The following MAPKBP1 variants were observed in gnomAD, a reference collection of about 807,000 sequenced individuals.
MAPKBP1 encodes the protein mitogen-activated protein kinase-binding protein 1.
MAPKBP1 carries 71 observed loss-of-function variants against 170.5 expected under a neutral mutation model. That is an observed-to-expected ratio of 0.42 (90% CI 0.34 to 0.51). The LOEUF is 0.51. MAPKBP1 is among the 20% of genes least tolerant of loss of function. The pLI is 0.06. For missense variants in MAPKBP1, 1,598 were observed against 1,933.0 expected (o/e 0.83, Z 3.25); for synonymous variants, 719 against 757.9 (o/e 0.95, Z 0.84).
In MAPKBP1 at chr15:41,817,500, G is replaced by A; in HGVS notation, c.1782+42G>A. 6.2e-7 allele frequency: 1 copy of A among 1,613,268 alleles called. No homozygotes were observed. Among genetic ancestry groups the A allele is most frequent in the Non-Finnish European group, 8.5e-7 (1 of 1,179,260 alleles). On this transcript the variant is annotated intron_variant, in intron 15 of 30. Transcript: ENST00000457542. The surrounding 1 kb of genome is among the most constrained non-coding windows in gnomAD (Gnocchi z 4.2). ...TTCCTGAGAGGGGCGGGACAGGGCG[G>A]GGTCTGCCATTCCCTGCCTAAGGTT...
At chr15:41,783,603 G>A (rs866847701) in intron 2 of MAPKBP1, among the ~76,000 whole-genome samples, 1 of 152,146 alleles carries the variant, frequency 6.6e-6, no homozygotes, top group South Asian at 2.1e-4. Flanking sequence ...AGGTCTAAAG[G>A]CCTCTGCTTC....
At chr15:41,778,817 A>G (rs1434484982) in intron 2 of MAPKBP1, among the ~76,000 whole-genome samples, 2 of 152,236 alleles carry the variant, frequency 1.3e-5, no homozygotes. Context: ...AATGGACCAA[A>G]GCCCAGCAGG....
rs372334816 is a variant in MAPKBP1, at chr15:41,823,750, G to A, written c.3902G>A (p.Arg1301His). The A allele has an allele frequency of 3.9e-5, 63 of 1,613,954 alleles. No individual in the cohort carries two copies. Among genetic ancestry groups the A allele is most frequent in the South Asian group, 3.7e-4 (34 of 91,068 alleles). The change falls in exon 29 of 31, where the codon CGT (arginine) becomes CAT (histidine). Residue 1301 changes from arginine to histidine, a missense_variant. By Grantham distance (29) the Arg-to-His change is conservative. Coordinates refer to ENST00000457542, the MANE Select transcript of MAPKBP1 (RefSeq NM_014994.3). ...GACATCCCCAAACCACTGCCTGACC[G>A]TCCTACCCTGGCTGCATTCTCTCCT... Reference protein sequence around the residue: ...VLDIPKPLPDRPTLAAFSPVT... With the variant: ...VLDIPKPLPDHPTLAAFSPVT...
At position 41,818,872 on chromosome 15, in the gene MAPKBP1, C is replaced by G. The variant is rs750018960; in HGVS notation, c.2206C>G (p.Gln736Glu). Residue 736 changes from glutamine to glutamate, a missense_variant, in exon 20 of 31, where the codon CAG (glutamine) becomes GAG (glutamate). Gln to Glu is a conservative substitution (Grantham distance 29). Transcript: ENST00000457542. This position sits in a 1 kb window ranked among gnomAD's most constrained non-coding sequence, Gnocchi z 5.2. ...LSSEMTISMRQRLAELRQRQR... is the reference protein window; with the variant it reads ...LSSEMTISMRERLAELRQRQR... ...CTCTGAGATGACCATCAGCATGAGG[C>G]AGCGTCTGGCCGAGTTGCGCCAGCG... The G allele has an allele frequency of 1.9e-6, 3 of 1,614,106 alleles. No homozygotes were observed. The African/African-American group carries it at 4.0e-5, about 22-fold the overall frequency.
In MAPKBP1 at chr15:41,815,496, C is replaced by T. The variant is rs1043036683; in HGVS notation, c.1317+91C>T. On this transcript the variant is annotated intron_variant, in intron 11 of 30. Coordinates refer to ENST00000457542, the MANE Select transcript of MAPKBP1 (RefSeq NM_014994.3). ...TTGTTACTGGGAACTGGTCCCTAGG[C>T]CTTGGCCTTCCAGCCTTCATTTGGC... The T allele has an allele frequency of 1.3e-5, 21 of 1,563,914 alleles. No individual in the cohort carries two copies. The African/African-American group carries it at 2.6e-4, about 19-fold the overall frequency.
Position 41,817,343 on chromosome 15 carries a change from A to T in MAPKBP1, c.1712-45A>T. 6.3e-7 allele frequency: 1 copy of T among 1,595,078 alleles called. No homozygotes were observed. Among genetic ancestry groups the T allele is most frequent in the Non-Finnish European group, 8.6e-7 (1 of 1,162,636 alleles). On this transcript the variant is annotated intron_variant, in intron 14 of 30. Coordinates refer to ENST00000457542, the MANE Select transcript of MAPKBP1 (RefSeq NM_014994.3). The surrounding 1 kb of genome is among the most constrained non-coding windows in gnomAD (Gnocchi z 4.2). ...GGAAGGTGGGAGGCAGGCTGCTCCC[A>T]TGTGGTGAGAACAGTGGGAACAGCT...
chr15:41,793,817 C>T (rs965558122), intron 2 of MAPKBP1, among the ~76,000 whole-genome samples: 4 of 152,210 alleles, frequency 2.6e-5, no homozygotes, highest in African/African-American at 7.2e-5. Context: ...CCCATCTCAT[C>T]GCCTGCTGCC....
intron 3 of MAPKBP1, among the ~76,000 whole-genome samples, chr15:41,806,259 A>C (rs967873518): frequency 4.6e-5 from 7 of 152,150 alleles, no homozygotes; most frequent in Non-Finnish European, 7.4e-5. Flanking sequence ...GCAGTGACGG[A>C]GGTAGGGTTG....
intron 2 of MAPKBP1, among the ~76,000 whole-genome samples, chr15:41,793,290 A>G (rs2064427861): frequency 6.6e-6 from 1 of 152,170 alleles, no homozygotes; most frequent in African/African-American, 2.4e-5. Flanking sequence ...GATCGAGACC[A>G]TACTGGCTAA....
Position 41,814,702 on chromosome 15 carries a change from C to T in MAPKBP1, c.1133C>T (p.Ser378Leu), listed in dbSNP as rs1168021839. ...CCCAAGAAAGTGGGCAAGGTGTACT[C>T]GGCTCTGTATCATTCTTCCTGCGTC... ...RDPKKVGKVY[S>L]ALYHSSCVWS... Residue 378 changes from serine (S) to leucine (L), a missense_variant, in exon 10 of 31, where the codon TCG (serine) becomes TTG (leucine). Physicochemically the swap from Ser to Leu is moderately radical, Grantham distance 145. This residue lies in a region of MAPKBP1 where 430 missense variants were observed against 617.2 expected (regional missense o/e 0.70). Coordinates refer to ENST00000457542, the MANE Select transcript of MAPKBP1 (RefSeq NM_014994.3). 1 of 1,614,198 alleles carries T rather than the reference C, an allele frequency of 6.2e-7. No individual in the cohort carries two copies. Among genetic ancestry groups the T allele is most frequent in the Non-Finnish European group, 8.5e-7 (1 of 1,180,030 alleles).
chr15:41,825,251 G>A lies in MAPKBP1; in HGVS notation c.4342G>A (p.Ala1448Thr), dbSNP rs755399942. ...KMPSAEQSRIAQLLRDTFSSV... is the reference protein window; with the variant it reads ...KMPSAEQSRITQLLRDTFSSV... ...GCCCTCAGCAGAGCAAAGTCGGATT[G>A]CCCAGCTCCTCAGAGACACCTTCTC... The change falls in exon 31 of 31, where the codon GCC becomes ACC. Residue 1448 changes from alanine to threonine, a missense_variant. Ala to Thr is a moderately conservative substitution (Grantham distance 58, BLOSUM62 0). Transcript: ENST00000457542. 66 of 1,604,560 alleles carry A rather than the reference G, an allele frequency of 4.1e-5. No homozygotes were observed. Among genetic ancestry groups the A allele is most frequent in the Non-Finnish European group, 5.6e-5 (66 of 1,172,698 alleles).
At chr15:41,778,686 G>T (rs1191472598) in intron 2 of MAPKBP1, among the ~76,000 whole-genome samples, 2 of 152,142 alleles carry the variant, frequency 1.3e-5, no homozygotes, top group South Asian at 4.2e-4. Context: ...TCTAAGTTGG[G>T]CTGTGTTTTC....
chr15:41,780,897 G>C (rs1035356277), intron 2 of MAPKBP1, among the ~76,000 whole-genome samples: 3 of 152,016 alleles, frequency 2.0e-5, no homozygotes, highest in African/African-American at 7.3e-5. Flanking sequence ...CCTTTCAACA[G>C]TTATAGCAAC....
intron 29 of MAPKBP1, 48 bp downstream of exon 29, chr15:41,824,109 C>T (rs778255690): frequency 6.5e-7 from 1 of 1,543,546 alleles, no homozygotes; most frequent in South Asian, 1.2e-5. Context: ...CCTTACTCTC[C>T]CCTCTCTGTT....
rs757277871 is a variant in MAPKBP1 at position 41,819,552 on chromosome 15, G to GGGGGC, written c.2426-39_2426-38insCGGGG. On this transcript the variant is annotated intron_variant, in intron 21 of 30. Coordinates refer to ENST00000457542, the MANE Select transcript of MAPKBP1 (RefSeq NM_014994.3). ...AGGGCTCCAGGGTTGGGTGGCGGGG[G>GGGGGC]GGGGGCAGGAGACACTTCCTCTGAC... 59 of 1,508,682 alleles carry GGGGGC rather than the reference G, an allele frequency of 3.9e-5. 1 individual carries two copies. Among genetic ancestry groups the GGGGGC allele is most frequent in the Non-Finnish European group, 5.0e-5 (55 of 1,101,678 alleles). The allele number at this position is 1,508,682 out of a possible 1,614,324, so 93.5% of individuals were successfully genotyped here.
intron 3 of MAPKBP1, among the ~76,000 whole-genome samples, chr15:41,801,808 C>T (rs188794679): frequency 1.4e-4 from 22 of 152,126 alleles, no homozygotes; most frequent in Admixed American, 1.4e-3. Flanking sequence ...GCAGATTTCG[C>T]CACTGCACTC....
rs1233725687 is a variant in MAPKBP1 at position 41,825,527 on chromosome 15, G to C, written c.*91G>C. The C allele has an allele frequency of 8.3e-7, 1 of 1,202,520 alleles. No individual in the cohort carries two copies. The highest frequency in any genetic ancestry group is 1.5e-5 in the African/African-American group (1 of 65,700). 74.5% of individuals were successfully genotyped at this position (1,202,520 alleles called of 1,614,324 possible). On this transcript the variant is annotated 3_prime_UTR_variant, in exon 31 of 31. Coordinates refer to ENST00000457542, the MANE Select transcript of MAPKBP1 (RefSeq NM_014994.3). ...TCACCAAAACCTGCGGGGCTGCTTG[G>C]AGTGGAAAGCAGGGAGCAGTGTTCA... is the stretch of plus-strand genomic sequence containing the variant.
At chr15:41,811,526 CT>C in intron 5 of MAPKBP1, 1 of 663,114 alleles carries the variant, frequency 1.5e-6, no homozygotes, top group Non-Finnish European at 2.8e-6. Context: ...AGTGCTGATC[CT>C]GCTGGTGAAG....
chr15:41,802,351 A>G (rs1188813716), intron 3 of MAPKBP1, among the ~76,000 whole-genome samples: 3 of 152,232 alleles, frequency 2.0e-5, no homozygotes, highest in African/African-American at 7.2e-5. Context: ...TACATTCAAT[A>G]ATAGATTAAC....
Sources: allele counts gnomAD v4.1 joint callset (sites outside exome capture counted in the v4.1 genomes callset), GRCh38; gene constraint gnomAD v4.1.1; regional missense constraint gnomAD v4.1.1; non-coding constraint Gnocchi (gnomAD v3.1); transcripts MANE v1.5; gene names NCBI Gene and HGNC (gene_info 2026-07-23, HGNC 2026-07-21).